CERKL: variants seen among roughly 807,000 people sequenced by gnomAD.
The protein encoded by CERKL is ceramide kinase-like protein.
A neutral mutation model predicts 63.4 loss-of-function variants in CERKL; 61 were observed. That is an observed-to-expected ratio of 0.96 (90% CI 0.78 to 1.19). The LOEUF (loss-of-function observed/expected upper bound fraction) is 1.19, where lower values mean the gene tolerates loss of function less well. CERKL is among the 50% of genes most tolerant of loss of function. The pLI is 0.00. For missense variants in CERKL, 675 were observed against 655.5 expected, an observed-to-expected ratio of 1.03 and a Z score of -0.33; for synonymous variants, 250 against 230.5, an observed-to-expected ratio of 1.08 and a Z score of -0.77.
intron 2 of CERKL, among the ~76,000 whole-genome samples, chr2:181,599,417 A>G (rs1241973182): frequency 6.6e-6 from 1 of 151,874 alleles, no homozygotes; most frequent in East Asian, 1.9e-4. Context: ...CTCGCCCGTA[A>G]TCCCAGCTAC....
intron 3 of CERKL, among the ~76,000 whole-genome samples, chr2:181,571,959 A>G (rs1156799448): frequency 6.6e-6 from 1 of 152,170 alleles, no homozygotes; most frequent in Admixed American, 6.6e-5. Flanking sequence ...GGATATTAAT[A>G]AGAAAGGATG....
intron 1 of CERKL, among the ~76,000 whole-genome samples, chr2:181,625,492 C>T (rs1686654139): frequency 6.6e-6 from 1 of 152,034 alleles, no homozygotes; most frequent in African/African-American, 2.4e-5. Flanking sequence ...AATGGTATGC[C>T]ATGTTTTAAA....
At chr2:181,545,025 A>G (rs1687661134) in intron 10 of CERKL, among the ~76,000 whole-genome samples, 1 of 152,286 alleles carries the variant, frequency 6.6e-6, no homozygotes. Context: ...CCTTCTCAAT[A>G]AGCTCTTACA....
intron 4 of CERKL, among the ~76,000 whole-genome samples, chr2:181,561,008 A>G (rs976394821): frequency 2.0e-5 from 3 of 152,176 alleles, no homozygotes; most frequent in Admixed American, 6.5e-5. Flanking sequence ...TTGGCCATGA[A>G]GGTCACAAAG....
At chr2:181,611,603 T>C (rs1685972639) in intron 1 of CERKL, among the ~76,000 whole-genome samples, 1 of 152,170 alleles carries the variant, frequency 6.6e-6, no homozygotes, top group African/African-American at 2.4e-5. Context: ...GAGGATTCCT[T>C]TAGCCCAGGA....
intron 1 of CERKL, among the ~76,000 whole-genome samples, chr2:181,634,595 C>T (rs1687097360): frequency 6.6e-6 from 1 of 152,026 alleles, no homozygotes. Context: ...TATTGAAACT[C>T]TTATAAAGGG....
In CERKL at chr2:181,558,246, C is replaced by G. The variant is rs1231771391; in HGVS notation, c.820+320G>C. On this transcript the variant is annotated intron_variant, in intron 5 of 12. Transcript: ENST00000410087. This position sits in a 1 kb window ranked among gnomAD's most constrained non-coding sequence, Gnocchi z 4.2. The stretch of plus-strand genomic sequence containing the variant: ...CTGTGTAATCAACAGATTTTTTATG[C>G]GAAGGGAGAATAATAACCATTCCAT... Among the ~76,000 whole-genome samples the G allele has an allele frequency of 6.6e-6, 1 of 152,004 alleles. No individual in the cohort carries two copies. Among genetic ancestry groups the G allele is most frequent in the Non-Finnish European group, 1.5e-5 (1 of 68,018 alleles).
rs1174454591 is a variant in CERKL, at chr2:181,641,302, CATATAT to C, written c.238+15461_238+15466del. On this transcript the variant is annotated intron_variant, in intron 1 of 12. Transcript: ENST00000410087. Reference sequence around the variant, plus strand: ...GTGTATATATGTATATATGTGTATGCATATATATATATATATATATATATATATATA... The same window carrying C: ...GTGTATATATGTATATATGTGTATGCATATATATATATATATATATATATA... Among the ~76,000 whole-genome samples the C allele has an allele frequency of 1.9e-3, 188 of 97,090 alleles. 3 individuals carry two copies. Among genetic ancestry groups the C allele is most frequent in the African/African-American group, 6.2e-3 (159 of 25,742 alleles). 63.7% of individuals were successfully genotyped at this position (97,090 alleles called of 152,430 possible). A position where few individuals can be genotyped will look rare whatever the true frequency, so the allele number is the denominator to read the frequency against.
rs750797591 is a variant in CERKL at position 181,573,724 on chromosome 2, G to A, written c.613+29C>T. ...TTTGCTTTTGTATGTTTTTGTAGAT[G>A]GTGAAATTATATTCTGAAAATTACT... On this transcript the variant is annotated intron_variant, in intron 3 of 12. Transcript: ENST00000410087. 6 of 1,600,956 alleles carry A rather than the reference G, an allele frequency of 3.7e-6. No individual in the cohort carries two copies. In the South Asian group the frequency reaches 4.4e-5, roughly 12 times the overall value.
chr2:181,616,277 G>A (rs569260589), intron 1 of CERKL, among the ~76,000 whole-genome samples: 7 of 142,854 alleles, frequency 4.9e-5, no homozygotes, highest in East Asian at 2.1e-4. Flanking sequence ...GCAGTGGTGC[G>A]ATCTTGGCTC....
intron 2 of CERKL, among the ~76,000 whole-genome samples, chr2:181,593,029 G>T (rs993086982): frequency 1.8e-4 from 28 of 152,096 alleles, no homozygotes; most frequent in Non-Finnish European, 2.2e-4. Flanking sequence ...TACAATAATA[G>T]TAAGAGTTAC....
At chr2:181,594,175 A>G (rs920709731) in intron 2 of CERKL, among the ~76,000 whole-genome samples, 1 of 152,220 alleles carries the variant, frequency 6.6e-6, no homozygotes, top group Non-Finnish European at 1.5e-5. Context: ...AATAAAAAAT[A>G]AAATTTATTG....
intron 1 of CERKL, among the ~76,000 whole-genome samples, chr2:181,628,703 G>A (rs771342993): frequency 3.3e-5 from 5 of 152,104 alleles, no homozygotes; most frequent in Admixed American, 2.0e-4. Context: ...TTTAATGTAC[G>A]TATTTTAGAA....
chr2:181,549,332 A>G (rs1352078317), intron 6 of CERKL, among the ~76,000 whole-genome samples: 1 of 152,170 alleles, frequency 6.6e-6, no homozygotes, highest in African/African-American at 2.4e-5. Flanking sequence ...GATATACTTA[A>G]GGAGTATTCA....
intron 2 of CERKL, chr2:181,603,195 T>C (rs549342528): frequency 4.9e-6 from 1 of 204,258 alleles, no homozygotes; most frequent in African/African-American, 2.3e-5. Flanking sequence ...AAAAATCTTA[T>C]TTTCAGGCCA....
intron 1 of CERKL, among the ~76,000 whole-genome samples, chr2:181,641,405 C>T (rs13032839): frequency 0.7 from 101,972 of 145,438 alleles, 36,233 homozygotes; most frequent in East Asian, 0.92. Flanking sequence ...CCCAGGCTGG[C>T]CTCGAACTCC....
intron 2 of CERKL, among the ~76,000 whole-genome samples, chr2:181,584,667 T>C (rs1684681488): frequency 6.6e-6 from 1 of 151,838 alleles, no homozygotes; most frequent in Non-Finnish European, 1.5e-5. Flanking sequence ...CCTGGATTAA[T>C]CCATTTTTCA....
chr2:181,545,350 A>C (rs1035155436), intron 10 of CERKL, among the ~76,000 whole-genome samples: 17 of 152,192 alleles, frequency 1.1e-4, no homozygotes, highest in African/African-American at 3.9e-4. Flanking sequence ...TGAACATTTT[A>C]ATCTTGCATA....
At chr2:181,539,338 CCTCT>C in intron 11 of CERKL, 74 bp from the exon 12 acceptor site, 1 of 936,732 alleles carries the variant, frequency 1.1e-6, no homozygotes, top group South Asian at 1.4e-5. Context: ...TTCACTGAGC[CCTCT>C]CTCACAAGTA....
Sources: gnomAD v4.1 joint callset for allele counts (sites outside exome capture counted in the v4.1 genomes callset) on GRCh38, gnomAD v4.1.1 for gene constraint, Gnocchi (gnomAD v3.1) non-coding constraint, MANE v1.5 for transcripts, NCBI Gene and HGNC (gene_info 2026-07-23, HGNC 2026-07-21) for gene names.